The following BCL2 variants were observed in gnomAD, a reference collection of about 807,000 sequenced individuals.
BCL2 encodes the protein apoptosis regulator Bcl-2.
BCL2 carries 1 observed loss-of-function variant against 14.2 expected under a neutral mutation model. The observed-to-expected ratio is 0.07, with a 90% CI of 0.02 to 0.33. BCL2 has a LOEUF of 0.33. Among genes scored for constraint, BCL2 ranks in the 10% least tolerant of loss-of-function variants. BCL2 has a pLI of 0.99. For synonymous variants in BCL2, 151 were observed against 137.2 expected, an observed-to-expected ratio of 1.10 and a Z score of -0.70; for missense variants, 247 against 305.9, an observed-to-expected ratio of 0.81 and a Z score of 1.44.
chr18:63,127,065 T>C lies in BCL2; in HGVS notation c.*1560A>G. ...TTTTTAATGCCCCAGGATGTACAGA[T>C]AACCCCCATATTCCACACCTGGAAC... On this transcript the variant is annotated 3_prime_UTR_variant, in exon 3 of 3. Coordinates refer to ENST00000333681, the MANE Select transcript of BCL2 (RefSeq NM_000633.3). The C allele has an allele frequency of 8.8e-6, 2 of 228,170 alleles. No homozygotes were observed. The allele number at this position is 228,170 out of a possible 1,614,324, so 14.1% of individuals were successfully genotyped here.
chr18:63,234,928 C>CATAT (rs1300459468), intron 2 of BCL2, among the ~76,000 whole-genome samples: 1 of 152,064 alleles, frequency 6.6e-6, no homozygotes, highest in Non-Finnish European at 1.5e-5. Context: ...ATTTGCTGTG[C>CATAT]ATATAATGGA....
intron 2 of BCL2, among the ~76,000 whole-genome samples, chr18:63,158,640 T>C (rs995605857): frequency 6.6e-6 from 1 of 152,212 alleles, no homozygotes; most frequent in African/African-American, 2.4e-5. Context: ...AGGTATTGCC[T>C]GAAACCATGT....
chr18:63,306,337 T>C (rs1447295339), intron 2 of BCL2, among the ~76,000 whole-genome samples: 1 of 152,268 alleles, frequency 6.6e-6, no homozygotes, highest in Non-Finnish European at 1.5e-5. Context: ...TCTTGCCCGT[T>C]TGCTGAAAGA....
rs1403201450 is a variant in BCL2 at position 63,123,949 on chromosome 18, C to G, written c.*4676G>C. 2.7e-5 allele frequency: 6 copies of G among 221,252 alleles called. No individual in the cohort carries two copies. The highest frequency in any genetic ancestry group is 2.3e-4 in the Admixed American group (4 of 17,330). The allele number at this position is 221,252 out of a possible 1,614,324, so 13.7% of individuals were successfully genotyped here. On this transcript the variant is annotated 3_prime_UTR_variant, in exon 3 of 3. Transcript: ENST00000333681. ...TTGATTGAGCGAGCCTTTCCATCCT[C>G]CACCAGTGTTCCCATCTTCTGTGCT...
intron 2 of BCL2, among the ~76,000 whole-genome samples, chr18:63,180,268 ACC>A (rs2144640766): frequency 6.6e-6 from 1 of 152,358 alleles, no homozygotes; most frequent in African/African-American, 2.4e-5. Flanking sequence ...TGAATCAGAC[ACC>A]AGCTCCCTAG....
Position 63,318,549 on chromosome 18 carries a change from G to C in BCL2, c.118C>G (p.Pro40Ala). The change falls in exon 2 of 3, where the codon CCG becomes GCG. Residue 40 changes from proline to alanine, a missense_variant. Coordinates refer to ENST00000333681, the MANE Select transcript of BCL2 (RefSeq NM_000633.3). The surrounding 1 kb of genome is among the most constrained non-coding windows in gnomAD (Gnocchi z 7.4). The stretch of plus-strand genomic sequence containing the variant: ...ATGCCCGGTGCGGGGGCGGCCCCCG[G>C]GGGCGCGGCGCCCACATCTCCCGCA... ...WDAGDVGAAP[P>A]GAAPAPGIFS... is the part of the protein sequence containing the mutation. 1.3e-6 allele frequency: 2 copies of C among 1,589,572 alleles called. No homozygotes were observed. The highest frequency in any genetic ancestry group is 4.8e-5 in the East Asian group (2 of 41,930).
At chr18:63,279,268 G>A (rs1036557211) in intron 2 of BCL2, among the ~76,000 whole-genome samples, 2 of 152,136 alleles carry the variant, frequency 1.3e-5, no homozygotes, top group Non-Finnish European at 2.9e-5. Flanking sequence ...GTCACAAAAT[G>A]GAAGAATATA....
At chr18:63,243,165 T>A (rs1599265028) in intron 2 of BCL2, among the ~76,000 whole-genome samples, 1 of 152,192 alleles carries the variant, frequency 6.6e-6, no homozygotes, top group Non-Finnish European at 1.5e-5. Context: ...ATGGAATGAA[T>A]ACTTACTATA....
rs189219336 is a variant in BCL2 at position 63,209,864 on chromosome 18, C to T, written c.586-81105G>A. ...ACCAAGACAGAAGGAAGAATCAGGCCGTTTAACAGGATCAAGAGGGTCTAG... is the reference window on the plus strand; with the variant it reads ...ACCAAGACAGAAGGAAGAATCAGGCTGTTTAACAGGATCAAGAGGGTCTAG... On this transcript the variant is annotated intron_variant, in intron 2 of 2. Coordinates refer to ENST00000333681, the MANE Select transcript of BCL2 (RefSeq NM_000633.3). Among the ~76,000 whole-genome samples the T allele has an allele frequency of 8.0e-4, 121 of 152,128 alleles. 1 individual carries two copies. The highest frequency in any genetic ancestry group is 3.4e-3 in the Middle Eastern group (1 of 294).
intron 2 of BCL2, among the ~76,000 whole-genome samples, chr18:63,212,167 A>T (rs1035159430): frequency 2.6e-5 from 4 of 151,324 alleles, no homozygotes; most frequent in African/African-American, 9.7e-5. Flanking sequence ...CTCTACTAAA[A>T]ATACAAAAAT....
chr18:63,278,616 T>C (rs747048374), intron 2 of BCL2, among the ~76,000 whole-genome samples: 6 of 152,160 alleles, frequency 3.9e-5, no homozygotes, highest in South Asian at 2.1e-4. Flanking sequence ...GCTGCTTGAC[T>C]ATAAATCCCC....
At chr18:63,213,480 G>C (rs1183700143) in intron 2 of BCL2, among the ~76,000 whole-genome samples, 1 of 150,706 alleles carries the variant, frequency 6.6e-6, no homozygotes, top group Non-Finnish European at 1.5e-5. Context: ...CTCAGTAAAA[G>C]ATAAACCACA....
chr18:63,159,650 C>T (rs1914868692), intron 2 of BCL2, among the ~76,000 whole-genome samples: 1 of 152,100 alleles, frequency 6.6e-6, no homozygotes, highest in Admixed American at 6.6e-5. Flanking sequence ...TTTCACAGGC[C>T]TGGGATATTA....
intron 2 of BCL2, among the ~76,000 whole-genome samples, chr18:63,239,561 G>A (rs540058550): frequency 1.3e-5 from 2 of 152,208 alleles, no homozygotes; most frequent in East Asian, 1.9e-4. Context: ...GGCCAACATG[G>A]TGAAACCCCG....
chr18:63,220,119 TG>T (rs1910346139), intron 2 of BCL2, among the ~76,000 whole-genome samples: 1 of 152,196 alleles, frequency 6.6e-6, no homozygotes. Flanking sequence ...CAAGAATGTC[TG>T]GAAAAACTAA....
chr18:63,285,022 G>A (rs533748718), intron 2 of BCL2, among the ~76,000 whole-genome samples: 2 of 152,358 alleles, frequency 1.3e-5, no homozygotes, highest in African/African-American at 4.8e-5. Flanking sequence ...AGGCTGCAGA[G>A]CATCCCCAGG....
rs190011740 is a variant in BCL2, at chr18:63,124,271, T to A, written c.*4354A>T. The stretch of plus-strand genomic sequence containing the variant: ...TACATAATAAACATTTAGAAACAGA[T>A]GTCCCTACCAACCAGAAGGTTGTCA... On this transcript the variant is annotated 3_prime_UTR_variant, in exon 3 of 3. Coordinates refer to ENST00000333681, the MANE Select transcript of BCL2 (RefSeq NM_000633.3). 21 of 226,604 alleles carry A rather than the reference T, an allele frequency of 9.3e-5. No individual in the cohort carries two copies. Among genetic ancestry groups the A allele is most frequent in the Non-Finnish European group, 8.8e-5 (10 of 113,830 alleles). 14.0% of individuals were successfully genotyped at this position (226,604 alleles called of 1,614,324 possible). A position where few individuals can be genotyped will look rare whatever the true frequency, so the allele number is the denominator to read the frequency against.
chr18:63,211,946 T>C (rs745649188), intron 2 of BCL2, among the ~76,000 whole-genome samples: 12 of 152,240 alleles, frequency 7.9e-5, no homozygotes, highest in Non-Finnish European at 1.8e-4. Flanking sequence ...GTCATGTGAC[T>C]CCTTTCTTCT....
At chr18:63,312,141 T>C (rs1913346005) in intron 2 of BCL2, among the ~76,000 whole-genome samples, 1 of 152,192 alleles carries the variant, frequency 6.6e-6, no homozygotes, top group South Asian at 2.1e-4. Context: ...TTGATTAGAC[T>C]CCCCACTTCT....
Sources: gnomAD v4.1 joint callset for allele counts (sites outside exome capture counted in the v4.1 genomes callset) on GRCh38, gnomAD v4.1.1 for gene constraint, Gnocchi (gnomAD v3.1) non-coding constraint, MANE v1.5 for transcripts, NCBI Gene and HGNC (gene_info 2026-07-23, HGNC 2026-07-21) for gene names.